PRR16: variants seen among roughly 807,000 people sequenced by gnomAD.
The protein encoded by PRR16 is proline rich 16.
PRR16 carries 6 observed loss-of-function variants against 18.2 expected under a neutral mutation model. That is an observed-to-expected ratio of 0.33 (90% confidence interval 0.18 to 0.65). PRR16 has a LOEUF of 0.65. PRR16 is among the 30% of genes least tolerant of loss of function. PRR16 has a pLI of 0.74. For synonymous variants in PRR16, 151 were observed against 147.8 expected (o/e 1.02, Z -0.16); for missense variants, 412 against 376.6 (o/e 1.09, Z -0.78).
chr5:120,653,969 C>A (rs1241067942), intron 1 of PRR16, among the ~76,000 whole-genome samples: 1 of 152,026 alleles, frequency 6.6e-6, no homozygotes, highest in African/African-American at 2.4e-5. Flanking sequence ...ATTACTGATT[C>A]TTCTTCAATA....
At chr5:120,752,543 C>A in the PRR16 span, among the ~76,000 whole-genome samples, 2 of 151,576 alleles carry the variant, frequency 1.3e-5, no homozygotes, top group Admixed American at 1.3e-4. Context: ...TAGTGAGACC[C>A]AAAAGAAAAG....
At chr5:120,782,051 T>C in the PRR16 span, among the ~76,000 whole-genome samples, 2 of 152,340 alleles carry the variant, frequency 1.3e-5, no homozygotes, top group South Asian at 4.1e-4. Flanking sequence ...TTCATATTAC[T>C]ACTTTTCTTT....
chr5:120,623,688 C>T (rs1010791421), intron 1 of PRR16, among the ~76,000 whole-genome samples: 10 of 152,044 alleles, frequency 6.6e-5, no homozygotes, highest in Middle Eastern at 3.4e-3. Flanking sequence ...TATATTAGAA[C>T]AAAAAGTAAT....
At chr5:120,764,813 A>C in the PRR16 span, among the ~76,000 whole-genome samples, 1 of 152,212 alleles carries the variant, frequency 6.6e-6, no homozygotes, top group South Asian at 2.1e-4. Flanking sequence ...TTAGATAATT[A>C]ATAATTAGCA....
At chr5:120,635,782 G>A (rs896861790) in intron 1 of PRR16, among the ~76,000 whole-genome samples, 1 of 152,054 alleles carries the variant, frequency 6.6e-6, no homozygotes. Flanking sequence ...AATCAGACAA[G>A]AGAAAGAAAG....
the PRR16 span, among the ~76,000 whole-genome samples, chr5:120,753,104 A>G: frequency 1.3e-5 from 2 of 152,012 alleles, no homozygotes; most frequent in Admixed American, 6.6e-5. Flanking sequence ...TAGCAGAGCA[A>G]TGAGTGAGCA....
intron 1 of PRR16, among the ~76,000 whole-genome samples, chr5:120,520,027 A>G (rs895595122): frequency 5.3e-5 from 8 of 152,238 alleles, no homozygotes; most frequent in African/African-American, 1.7e-4. Flanking sequence ...AATCCTGAAC[A>G]TTGTTAAGAA....
intron 1 of PRR16, among the ~76,000 whole-genome samples, chr5:120,562,735 G>T (rs1356033397): frequency 6.6e-6 from 1 of 151,980 alleles, no homozygotes; most frequent in South Asian, 2.1e-4. Context: ...TTCACTGATG[G>T]CATAAACAGA....
chr5:120,703,607 T>A, the PRR16 span, among the ~76,000 whole-genome samples: 1 of 152,230 alleles, frequency 6.6e-6, no homozygotes, highest in African/African-American at 2.4e-5. Flanking sequence ...AGATGTAAAG[T>A]GCTTTATTGA....
chr5:120,732,575 A>G, the PRR16 span, among the ~76,000 whole-genome samples: 53,919 of 152,092 alleles, frequency 0.35, 11,628 homozygotes, highest in Middle Eastern at 0.55. Context: ...TTTAAAACTC[A>G]TTCCAAAATT....
the PRR16 span, among the ~76,000 whole-genome samples, chr5:120,723,275 A>G: frequency 2.6e-5 from 4 of 151,978 alleles, no homozygotes; most frequent in African/African-American, 7.2e-5. Context: ...CATACCTGGT[A>G]TGTATTTGGT....
the PRR16 span, among the ~76,000 whole-genome samples, chr5:120,766,032 T>TAAAC: frequency 6.6e-6 from 1 of 152,042 alleles, no homozygotes; most frequent in Non-Finnish European, 1.5e-5. Flanking sequence ...TAAGTGGCCT[T>TAAAC]TGCAGTTTAG....
intron 1 of PRR16, among the ~76,000 whole-genome samples, chr5:120,591,317 C>G (rs1753628129): frequency 6.6e-6 from 1 of 151,862 alleles, no homozygotes; most frequent in South Asian, 2.1e-4. Context: ...AATAATTGTA[C>G]TGTATATATC....
At chr5:120,548,184 A>G (rs554598152) in intron 1 of PRR16, among the ~76,000 whole-genome samples, 1 of 152,178 alleles carries the variant, frequency 6.6e-6, no homozygotes, top group Non-Finnish European at 1.5e-5. Flanking sequence ...TTACATAACC[A>G]TTTACTTTGT....
chr5:120,610,864 A>T (rs373374552), intron 1 of PRR16, among the ~76,000 whole-genome samples: 2 of 152,228 alleles, frequency 1.3e-5, no homozygotes, highest in Non-Finnish European at 2.9e-5. Flanking sequence ...GGAACTAGGT[A>T]ACAGGCAGAG....
chr5:120,487,496 T>G (rs1749851857), intron 1 of PRR16, among the ~76,000 whole-genome samples: 1 of 152,208 alleles, frequency 6.6e-6, no homozygotes, highest in Non-Finnish European at 1.5e-5. Context: ...CACATTGATT[T>G]TCTATCCTGA....
intron 1 of PRR16, among the ~76,000 whole-genome samples, chr5:120,498,673 C>G (rs751422413): frequency 8.6e-5 from 13 of 150,808 alleles, no homozygotes; most frequent in Non-Finnish European, 1.8e-4. Context: ...AAAGAACTTT[C>G]TTTAGTCATT....
At chr5:120,777,282 CTG>C in the PRR16 span, among the ~76,000 whole-genome samples, 49 of 152,088 alleles carry the variant, frequency 3.2e-4, no homozygotes, top group Non-Finnish European at 6.2e-4. Context: ...ATGTCGGACA[CTG>C]TGCTTGTTAA....
At chr5:120,695,632 T>G in the PRR16 span, among the ~76,000 whole-genome samples, 1 of 152,138 alleles carries the variant, frequency 6.6e-6, no homozygotes, top group Non-Finnish European at 1.5e-5. Context: ...CCAAAAATTT[T>G]GATGGTTTAG....
Sources: gnomAD v4.1 joint callset for allele counts (sites outside exome capture counted in the v4.1 genomes callset) on GRCh38, gnomAD v4.1.1 for gene constraint, MANE v1.5 for transcripts, NCBI Gene and HGNC (gene_info 2026-07-23, HGNC 2026-07-21) for gene names.